CNTN5: variants seen among roughly 807,000 people sequenced by gnomAD.
CNTN5 encodes contactin 5, also known as contactin-5.
A neutral mutation model predicts 129.1 loss-of-function variants in CNTN5; 77 were observed. The ratio of observed to expected loss-of-function variants is 0.60; its 90% confidence interval spans 0.50 to 0.72. CNTN5 has a LOEUF of 0.72. Among genes scored for constraint, CNTN5 ranks in the 30% least tolerant of loss-of-function variants. The pLI is 0.00. For missense variants in CNTN5, 1,478 were observed against 1,328.8 expected (o/e 1.11, Z -1.75); for synonymous variants, 509 against 465.6 (o/e 1.09, Z -1.20).
chr11:99,661,723 C>A (rs662323), intron 3 of CNTN5, among the ~76,000 whole-genome samples: 1 of 151,660 alleles, frequency 6.6e-6, no homozygotes, highest in Non-Finnish European at 1.5e-5. Flanking sequence ...TTTAAAAAAT[C>A]TAATATAAAT....
At chr11:100,304,929 A>G (rs568923895) in intron 20 of CNTN5, among the ~76,000 whole-genome samples, 2 of 151,370 alleles carry the variant, frequency 1.3e-5, no homozygotes, top group Non-Finnish European at 3.0e-5. Context: ...AATGGCAATT[A>G]TTAGTATTTC....
chr11:99,255,696 A>T (rs1862341828), intron 1 of CNTN5, among the ~76,000 whole-genome samples: 3 of 151,528 alleles, frequency 2.0e-5, no homozygotes, highest in Admixed American at 1.3e-4. Flanking sequence ...TATGAATTAA[A>T]AGAATTGTGC....
chr11:99,123,641 G>T (rs1466711808), intron 1 of CNTN5, among the ~76,000 whole-genome samples: 4 of 141,088 alleles, frequency 2.8e-5, no homozygotes, highest in African/African-American at 1.1e-4. Flanking sequence ...TTTTTCCTAG[G>T]TTATCTTCCA....
rs185756949 is a variant in CNTN5, at chr11:99,209,564, T to G, written c.-209-115782T>G. On this transcript the variant is annotated intron_variant, in intron 1 of 24. Coordinates refer to ENST00000524871, the MANE Select transcript of CNTN5 (RefSeq NM_014361.4). ...GGATCCGCCGCCATGATCCAGTACC[T>G]TCCACTAGGCCTCACTTCCAACAAT... Among the ~76,000 whole-genome samples the G allele has an allele frequency of 2.4e-3, 366 of 152,238 alleles. 4 individuals carry two copies. The highest frequency in any genetic ancestry group is 8.5e-3 in the African/African-American group (352 of 41,546).
rs952442077 is a variant in CNTN5, at chr11:99,891,505, G to A, written c.578-24549G>A. Among the ~76,000 whole-genome samples, 6 of 151,890 alleles carry A rather than the reference G, an allele frequency of 4.0e-5. No homozygotes were observed. The East Asian group carries it at 1.2e-3, about 29-fold the overall frequency. ...AGGCCCCCACCCCCCAACAGGCCCA[G>A]GTATGTAATGTTCCCCTCTCTGTGT... On this transcript the variant is annotated intron_variant, in intron 6 of 24. Transcript: ENST00000524871.
intron 13 of CNTN5, among the ~76,000 whole-genome samples, chr11:100,106,543 AAAC>A (rs1945437986): frequency 6.6e-6 from 1 of 152,218 alleles, no homozygotes; most frequent in African/African-American, 2.4e-5. Context: ...GTAATTTAAG[AAAC>A]AACAACATAC....
At chr11:99,214,488 CTG>C (rs997662307) in intron 1 of CNTN5, among the ~76,000 whole-genome samples, 3 of 150,614 alleles carry the variant, frequency 2.0e-5, no homozygotes, top group African/African-American at 7.3e-5. Context: ...CCTATTATCT[CTG>C]TGAACTTTGA....
chr11:99,795,244 A>G (rs1218500199), intron 3 of CNTN5, among the ~76,000 whole-genome samples: 1 of 152,152 alleles, frequency 6.6e-6, no homozygotes, highest in Admixed American at 6.5e-5. Flanking sequence ...ATTATGATAT[A>G]TTTGAAGTGA....
At chr11:99,982,718 G>T (rs1286479893) in intron 8 of CNTN5, among the ~76,000 whole-genome samples, 1 of 152,104 alleles carries the variant, frequency 6.6e-6, no homozygotes, top group Non-Finnish European at 1.5e-5. Context: ...TTGGCTCACT[G>T]CAAGTTCATC....
chr11:99,297,231 G>A (rs377625879), intron 1 of CNTN5, among the ~76,000 whole-genome samples: 3 of 152,278 alleles, frequency 2.0e-5, no homozygotes, highest in African/African-American at 7.2e-5. Flanking sequence ...GAGGGAGGAA[G>A]GCAAAATGAT....
intron 2 of CNTN5, among the ~76,000 whole-genome samples, chr11:99,538,479 C>A (rs990279891): frequency 6.6e-6 from 1 of 152,052 alleles, no homozygotes; most frequent in South Asian, 2.1e-4. Flanking sequence ...AACACAAAGG[C>A]GTTATTTTTA....
At chr11:99,088,879 T>C (rs1465492177) in intron 1 of CNTN5, among the ~76,000 whole-genome samples, 1 of 152,214 alleles carries the variant, frequency 6.6e-6, no homozygotes, top group Non-Finnish European at 1.5e-5. Flanking sequence ...ATCAATTCTC[T>C]ACTCAATTTT....
At chr11:99,637,222 A>G (rs796102159) in intron 3 of CNTN5, among the ~76,000 whole-genome samples, 3 of 151,886 alleles carry the variant, frequency 2.0e-5, no homozygotes, top group African/African-American at 7.2e-5. Context: ...GAAACAACTT[A>G]AACCATTAGC....
intron 2 of CNTN5, among the ~76,000 whole-genome samples, chr11:99,472,438 A>G (rs118118537): frequency 0.021 from 3,222 of 152,234 alleles, 53 homozygotes; most frequent in Middle Eastern, 0.065. Context: ...ACTTGCCTCA[A>G]ATCACCTGAT....
chr11:99,583,589 T>C (rs536443341), intron 3 of CNTN5, among the ~76,000 whole-genome samples: 5 of 152,232 alleles, frequency 3.3e-5, no homozygotes, highest in Non-Finnish European at 7.3e-5. Context: ...GTGCTAGCAA[T>C]GAGCGAGGCT....
intron 21 of CNTN5, among the ~76,000 whole-genome samples, chr11:100,328,685 C>T (rs1463601417): frequency 6.6e-6 from 1 of 152,054 alleles, no homozygotes; most frequent in Non-Finnish European, 1.5e-5. Context: ...CCTACTAAGC[C>T]TCACCTCCAA....
At chr11:99,656,637 G>C (rs1952376454) in intron 3 of CNTN5, among the ~76,000 whole-genome samples, 1 of 152,120 alleles carries the variant, frequency 6.6e-6, no homozygotes, top group Non-Finnish European at 1.5e-5. Flanking sequence ...AAGGTACCCA[G>C]GAAGCTGGCA....
At chr11:100,192,157 G>A (rs979013748) in intron 14 of CNTN5, among the ~76,000 whole-genome samples, 25 of 151,824 alleles carry the variant, frequency 1.6e-4, no homozygotes, top group Non-Finnish European at 1.2e-4. Flanking sequence ...GGACTCAAAC[G>A]CAGCCTTTCA....
At chr11:100,205,137 G>C (rs1948887536) in intron 15 of CNTN5, among the ~76,000 whole-genome samples, 1 of 152,076 alleles carries the variant, frequency 6.6e-6, no homozygotes, top group South Asian at 2.1e-4. Flanking sequence ...TGACTCCTAT[G>C]TTATTTCTCA....
Sources: gnomAD v4.1 joint callset for allele counts (sites outside exome capture counted in the v4.1 genomes callset) on GRCh38, gnomAD v4.1.1 for gene constraint, MANE v1.5 for transcripts, NCBI Gene and HGNC (gene_info 2026-07-23, HGNC 2026-07-21) for gene names.